DLG2: variants seen among roughly 807,000 people sequenced by gnomAD.
The protein encoded by DLG2 is disks large homolog 2.
DLG2 carries 45 observed loss-of-function variants against 132.5 expected under a neutral mutation model. The observed-to-expected ratio is 0.34, with a 90% confidence interval of 0.27 to 0.44. The LOEUF (loss-of-function observed/expected upper bound fraction) is 0.44. DLG2 is among the 20% of genes least tolerant of loss of function. The probability of loss-of-function intolerance (pLI) is 1.00; values close to 1 mark genes in which losing one functional copy is unlikely to be tolerated. For missense variants in DLG2, 1,045 were observed against 1,196.9 expected, an observed-to-expected ratio of 0.87 and a Z score of 1.87; for synonymous variants, 424 against 419.6, an observed-to-expected ratio of 1.01 and a Z score of -0.13.
At chr11:85,003,946 C>T (rs1378855638) in intron 6 of DLG2, among the ~76,000 whole-genome samples, 3 of 152,164 alleles carry the variant, frequency 2.0e-5, no homozygotes, top group African/African-American at 7.2e-5. Context: ...GTTCAACTCC[C>T]ACTTATGAGT....
intron 11 of DLG2, among the ~76,000 whole-genome samples, chr11:84,014,451 T>C (rs376163788): frequency 6.6e-6 from 1 of 152,198 alleles, no homozygotes; most frequent in Non-Finnish European, 1.5e-5. Context: ...CAATTTAATA[T>C]ACATTAATGT....
At chr11:85,543,195 T>C (rs2076088312) in intron 3 of DLG2, among the ~76,000 whole-genome samples, 1 of 152,166 alleles carries the variant, frequency 6.6e-6, no homozygotes, top group African/African-American at 2.4e-5. Flanking sequence ...GCCCATTTGT[T>C]CTCATCGTTC....
chr11:84,544,987 A>G (rs2099386766), intron 6 of DLG2: 1 of 370,476 alleles, frequency 2.7e-6, no homozygotes, highest in Non-Finnish European at 5.2e-6. Flanking sequence ...TTGTCCATAC[A>G]CATGAGTATT....
At chr11:83,765,800 T>A (rs1258288551) in intron 18 of DLG2, among the ~76,000 whole-genome samples, 1 of 152,200 alleles carries the variant, frequency 6.6e-6, no homozygotes, top group Non-Finnish European at 1.5e-5. Context: ...TGAACAGAGA[T>A]AGAAAACTGT....
intron 18 of DLG2, among the ~76,000 whole-genome samples, chr11:83,637,581 C>A (rs1164442620): frequency 7.4e-6 from 1 of 136,046 alleles, no homozygotes; most frequent in Admixed American, 6.9e-5. Flanking sequence ...AGGATTCAAC[C>A]CTGGATCGCC....
intron 6 of DLG2, among the ~76,000 whole-genome samples, chr11:84,999,108 A>G (rs1327495758): frequency 6.6e-6 from 1 of 152,000 alleles, no homozygotes; most frequent in Non-Finnish European, 1.5e-5. Flanking sequence ...TCAGGAGGGG[A>G]GAATGATTGG....
chr11:83,906,300 CA>C (rs1565586359), intron 15 of DLG2, among the ~76,000 whole-genome samples: 17 of 137,092 alleles, frequency 1.2e-4, no homozygotes, highest in East Asian at 2.1e-4. Flanking sequence ...CACACACACA[CA>C]CACACACACA....
intron 23 of DLG2, 139 bp downstream of exon 23, chr11:83,472,588 G>GT: frequency 4.4e-6 from 3 of 682,642 alleles, no homozygotes; most frequent in Non-Finnish European, 2.5e-6. Flanking sequence ...GAGAGACAGC[G>GT]TAAGAGTAAG....
chr11:83,620,422 A>G (rs1254516687), intron 19 of DLG2, among the ~76,000 whole-genome samples: 2 of 152,196 alleles, frequency 1.3e-5, no homozygotes, highest in African/African-American at 4.8e-5. Context: ...ATGATGAAAG[A>G]TTCCTTTTTA....
intron 18 of DLG2, among the ~76,000 whole-genome samples, chr11:83,655,604 C>G (rs959998279): frequency 5.3e-5 from 8 of 152,050 alleles, no homozygotes; most frequent in Non-Finnish European, 1.2e-4. Flanking sequence ...TTAAAAGAAG[C>G]AATAATAAAA....
At chr11:83,649,375 A>G (rs533387850) in intron 18 of DLG2, among the ~76,000 whole-genome samples, 12 of 152,264 alleles carry the variant, frequency 7.9e-5, no homozygotes, top group African/African-American at 2.4e-4. Context: ...AGAAATTCCA[A>G]GCCCTGGTCA....
chr11:85,272,143 T>G (rs1252861609), intron 4 of DLG2, among the ~76,000 whole-genome samples: 1 of 152,208 alleles, frequency 6.6e-6, no homozygotes, highest in African/African-American at 2.4e-5. Context: ...ATTCTCATGA[T>G]AGTGAATAGG....
At chr11:85,502,763 C>T (rs2093834759) in intron 3 of DLG2, among the ~76,000 whole-genome samples, 1 of 152,158 alleles carries the variant, frequency 6.6e-6, no homozygotes, top group South Asian at 2.1e-4. Flanking sequence ...CACACATATA[C>T]CTATGTAACA....
At chr11:83,750,703 C>A (rs1476103128) in intron 18 of DLG2, among the ~76,000 whole-genome samples, 2 of 151,822 alleles carry the variant, frequency 1.3e-5, no homozygotes, top group African/African-American at 4.8e-5. Flanking sequence ...AACTGAGAGC[C>A]CCAAAAAAGT....
intron 14 of DLG2, among the ~76,000 whole-genome samples, chr11:83,951,021 G>A (rs2085285237): frequency 6.6e-6 from 1 of 152,040 alleles, no homozygotes; most frequent in Admixed American, 6.6e-5. Flanking sequence ...TTGAATAAAT[G>A]AAACGAGAGA....
intron 9 of DLG2, among the ~76,000 whole-genome samples, chr11:84,138,622 T>C (rs2094702690): frequency 6.6e-6 from 1 of 152,144 alleles, no homozygotes; most frequent in Non-Finnish European, 1.5e-5. Flanking sequence ...TATCATTGAA[T>C]TCAGGAATAG....
At chr11:84,726,266 C>A (rs1240238407) in intron 6 of DLG2, among the ~76,000 whole-genome samples, 2 of 152,058 alleles carry the variant, frequency 1.3e-5, no homozygotes, top group East Asian at 1.9e-4. Flanking sequence ...CCCTCCCATA[C>A]CCCCTACCCC....
rs142970638 is a variant in DLG2, at chr11:83,875,871, T to C, written c.1497-1383A>G. 1.2e-3 allele frequency among the ~76,000 whole-genome samples: 181 copies of C among 152,272 alleles called. 1 individual carries two copies. The highest frequency in any genetic ancestry group is 2.0e-3 in the Non-Finnish European group (133 of 68,020). On this transcript the variant is annotated intron_variant, in intron 15 of 27. Transcript: ENST00000376104. ...GAGGTGTTTTCCTGTGACACGTAGA[T>C]AATATTTGTCTAAGGTTGAGGGTAC...
intron 10 of DLG2, among the ~76,000 whole-genome samples, chr11:84,075,286 C>A (rs1465381213): frequency 2.0e-5 from 3 of 152,124 alleles, no homozygotes; most frequent in African/African-American, 7.2e-5. Context: ...TATTTTCTGT[C>A]CAACAGACAG....
Sources: allele counts gnomAD v4.1 joint callset (sites outside exome capture counted in the v4.1 genomes callset), GRCh38; gene constraint gnomAD v4.1.1; transcripts MANE v1.5; gene names NCBI Gene and HGNC (gene_info 2026-07-23, HGNC 2026-07-21).